C8orf34: variants seen among roughly 807,000 people sequenced by gnomAD.
The protein encoded by C8orf34 is chromosome 8 open reading frame 34.
C8orf34 carries 65 observed loss-of-function variants against 68.3 expected under a neutral mutation model. The ratio of observed to expected loss-of-function variants is 0.95; its 90% CI spans 0.78 to 1.17. C8orf34 has a LOEUF of 1.17. Ranked by LOEUF, C8orf34 falls within the 50% of genes most tolerant of loss-of-function variation. C8orf34 has a pLI of 0.00. For missense variants in C8orf34, 664 were observed against 655.4 expected (o/e 1.01, Z -0.14); for synonymous variants, 244 against 241.2 (o/e 1.01, Z -0.11).
intron 4 of C8orf34, among the ~76,000 whole-genome samples, chr8:68,477,720 T>G (rs936696842): frequency 1.3e-5 from 2 of 152,220 alleles, no homozygotes; most frequent in Non-Finnish European, 2.9e-5. Flanking sequence ...TGCCTGGACA[T>G]TCAGGCATTT....
At chr8:68,732,267 C>T (rs1028313355) in intron 10 of C8orf34, among the ~76,000 whole-genome samples, 2 of 152,246 alleles carry the variant, frequency 1.3e-5, no homozygotes, top group African/African-American at 2.4e-5. Context: ...TAAGTATTCT[C>T]TTAAAATCTA....
chr8:68,558,276 T>G (rs1218269582), intron 7 of C8orf34, among the ~76,000 whole-genome samples: 1 of 152,168 alleles, frequency 6.6e-6, no homozygotes, highest in African/African-American at 2.4e-5. Context: ...AAGAATAGCA[T>G]TGGAGAACGA....
At chr8:68,778,604 G>A (rs1823586914) in intron 11 of C8orf34, among the ~76,000 whole-genome samples, 1 of 151,964 alleles carries the variant, frequency 6.6e-6, no homozygotes, top group Non-Finnish European at 1.5e-5. Context: ...AAGATTTGTG[G>A]TTTTGACCAA....
At position 68,639,121 on chromosome 8, in the gene C8orf34, G is replaced by A. The variant is rs139360855; in HGVS notation, c.1106-1255G>A. On this transcript the variant is annotated intron_variant, in intron 7 of 13. Coordinates refer to ENST00000518698, the MANE Select transcript of C8orf34 (RefSeq NM_052958.4). ...GGCTGTATTGCATGAGGAATCATGA[G>A]ATCAAGAGGGAGGAGCCTGTAATTA... is the stretch of plus-strand genomic sequence containing the variant. 7.2e-5 allele frequency among the ~76,000 whole-genome samples: 11 copies of A among 152,202 alleles called. No homozygotes were observed. In the East Asian group the frequency reaches 1.9e-3, roughly 27 times the overall value.
At chr8:68,517,506 T>C (rs886418954) in intron 5 of C8orf34, among the ~76,000 whole-genome samples, 5 of 152,236 alleles carry the variant, frequency 3.3e-5, no homozygotes, top group African/African-American at 1.2e-4. Flanking sequence ...CAGCTCTTAG[T>C]ATTGCTTTGC....
In C8orf34 at chr8:68,473,393, T is replaced by C. The variant is rs1434700712; in HGVS notation, c.736+4573T>C. On this transcript the variant is annotated intron_variant, in intron 4 of 13. Transcript: ENST00000518698. ...CCCCACCCTAATCTTATTATGCAGATAGGCTTTCCACTTGGCAGGTGCCAT... is the reference window on the plus strand; with the variant it reads ...CCCCACCCTAATCTTATTATGCAGACAGGCTTTCCACTTGGCAGGTGCCAT... 9.2e-5 allele frequency among the ~76,000 whole-genome samples: 14 copies of C among 152,216 alleles called. No individual in the cohort carries two copies. The East Asian group carries it at 2.7e-3, about 29-fold the overall frequency.
At chr8:68,487,513 G>A (rs567273434) in intron 4 of C8orf34, among the ~76,000 whole-genome samples, 1 of 152,194 alleles carries the variant, frequency 6.6e-6, no homozygotes, top group Non-Finnish European at 1.5e-5. Context: ...ATTGGCTCGA[G>A]GAGCTGTCAA....
chr8:68,671,253 A>G (rs1292460638), intron 8 of C8orf34, among the ~76,000 whole-genome samples: 1 of 152,144 alleles, frequency 6.6e-6, no homozygotes, highest in Non-Finnish European at 1.5e-5. Context: ...TGCTTTACAA[A>G]ATCTGTATTT....
intron 11 of C8orf34, among the ~76,000 whole-genome samples, chr8:68,782,357 T>TA (rs1307330126): frequency 6.6e-6 from 1 of 151,318 alleles, no homozygotes; most frequent in African/African-American, 2.4e-5. Flanking sequence ...TTCATAAATT[T>TA]AAAAAAAAGC....
intron 4 of C8orf34, among the ~76,000 whole-genome samples, chr8:68,481,318 A>G (rs781291535): frequency 6.6e-6 from 1 of 150,698 alleles, no homozygotes; most frequent in Non-Finnish European, 1.5e-5. Flanking sequence ...ATGCCCAGGC[A>G]AAGATTGCTT....
chr8:68,637,836 G>A (rs960321095), intron 7 of C8orf34, among the ~76,000 whole-genome samples: 4 of 152,252 alleles, frequency 2.6e-5, no homozygotes, highest in Admixed American at 2.0e-4. Flanking sequence ...TGATGAGACC[G>A]AAATTTTCCA....
chr8:68,655,850 A>C (rs1323503878), intron 8 of C8orf34, among the ~76,000 whole-genome samples: 1 of 152,204 alleles, frequency 6.6e-6, no homozygotes, highest in East Asian at 1.9e-4. Context: ...TAGTCATCCT[A>C]TTTCCATCTT....
At chr8:68,782,783 C>T (rs1008733477) in intron 11 of C8orf34, among the ~76,000 whole-genome samples, 14 of 151,876 alleles carry the variant, frequency 9.2e-5, no homozygotes, top group South Asian at 2.1e-4. Context: ...TGAGGCTGGG[C>T]GTGGTGGCTC....
At chr8:68,773,763 C>G (rs566395682) in intron 10 of C8orf34, among the ~76,000 whole-genome samples, 4 of 152,106 alleles carry the variant, frequency 2.6e-5, no homozygotes. Context: ...CAGTTACAAC[C>G]AAACTCCCGT....
At chr8:68,628,209 C>T (rs892869325) in intron 7 of C8orf34, among the ~76,000 whole-genome samples, 106 of 152,170 alleles carry the variant, frequency 7.0e-4, no homozygotes, top group African/African-American at 2.5e-3. Flanking sequence ...AAAGTTAAAA[C>T]CTATAATTTC....
chr8:68,545,150 C>T (rs1454770302), intron 7 of C8orf34, among the ~76,000 whole-genome samples: 3 of 152,000 alleles, frequency 2.0e-5, no homozygotes, highest in African/African-American at 4.8e-5. Context: ...GTGGGAGGGA[C>T]CCAGTGGGAG....
intron 1 of C8orf34, among the ~76,000 whole-genome samples, chr8:68,401,938 A>G (rs927127622): frequency 6.6e-6 from 1 of 151,888 alleles, no homozygotes; most frequent in Admixed American, 6.6e-5. Context: ...AGAATGAGTT[A>G]GAGAGAATTC....
At chr8:68,582,461 AG>A (rs1211648319) in intron 7 of C8orf34, among the ~76,000 whole-genome samples, 1 of 152,098 alleles carries the variant, frequency 6.6e-6, no homozygotes, top group Non-Finnish European at 1.5e-5. Context: ...GAATAATTCT[AG>A]TTTTTATGGT....
At chr8:68,763,072 G>A (rs2129528088) in intron 10 of C8orf34, among the ~76,000 whole-genome samples, 1 of 152,282 alleles carries the variant, frequency 6.6e-6, no homozygotes, top group Middle Eastern at 3.4e-3. Context: ...CAGTGAAACA[G>A]ATTCCTACTG....
Sources: gnomAD v4.1 joint callset for allele counts (sites outside exome capture counted in the v4.1 genomes callset) on GRCh38, gnomAD v4.1.1 for gene constraint, MANE v1.5 for transcripts, NCBI Gene and HGNC (gene_info 2026-07-23, HGNC 2026-07-21) for gene names.